GOLGA1: variants seen among roughly 807,000 people sequenced by gnomAD.
The protein encoded by GOLGA1 is golgin A1.
GOLGA1 carries 63 observed loss-of-function variants against 119.7 expected under a neutral mutation model. That is an observed-to-expected ratio of 0.53 (90% confidence interval 0.43 to 0.65). The LOEUF (loss-of-function observed/expected upper bound fraction) is 0.65. Ranked by LOEUF, GOLGA1 falls within the 30% of genes least tolerant of loss-of-function variation. GOLGA1 has a pLI of 0.00. For missense variants in GOLGA1, 798 were observed against 912.8 expected, an observed-to-expected ratio of 0.87 and a Z score of 1.62; for synonymous variants, 318 against 333.4, an observed-to-expected ratio of 0.95 and a Z score of 0.50.
intron 15 of GOLGA1, among the ~76,000 whole-genome samples, chr9:124,895,391 CAG>C (rs1183505709): frequency 7.0e-6 from 1 of 142,856 alleles, no homozygotes; most frequent in Non-Finnish European, 1.5e-5. Context: ...CCCTCCACAA[CAG>C]AGACTCTCCA....
chr9:124,923,218 T>C lies in GOLGA1; in HGVS notation c.438A>G (p.Lys146=), dbSNP rs569664011. 42 of 1,592,242 alleles carry C rather than the reference T, an allele frequency of 2.6e-5. No homozygotes were observed. Among genetic ancestry groups the C allele is most frequent in the South Asian group, 5.6e-5 (5 of 88,658 alleles). ...CCTGTAACTGGGCTGTCAGAATATTTTTCTCCTATTTGAAAGAAGAAGACA... is the reference window on the plus strand; with the variant it reads ...CCTGTAACTGGGCTGTCAGAATATTCTTCTCCTATTTGAAAGAAGAAGACA... ...SEKMDQLEKE[K]NILTAQLQEM... is the part of the protein sequence containing the mutation. Residue 146 remains lysine (K), a synonymous_variant, in exon 8 of 23, where the codon AAA becomes AAG. Transcript: ENST00000373555.
At chr9:124,925,754 T>G (rs989077954) in intron 7 of GOLGA1, among the ~76,000 whole-genome samples, 1 of 152,162 alleles carries the variant, frequency 6.6e-6, no homozygotes, top group African/African-American at 2.4e-5. Flanking sequence ...ATAATCAGAT[T>G]TCTATAGAAC....
At chr9:124,910,335 G>T (rs1278211444) in intron 11 of GOLGA1, among the ~76,000 whole-genome samples, 2 of 152,182 alleles carry the variant, frequency 1.3e-5, no homozygotes, top group African/African-American at 2.4e-5. Context: ...AAAGTGCTGG[G>T]ATTACAGGCG....
intron 7 of GOLGA1, 69 bp downstream of exon 7, chr9:124,926,640 G>A (rs542983939): frequency 1.7e-5 from 16 of 946,762 alleles, no homozygotes; most frequent in African/African-American, 1.6e-4. Context: ...GTTGGTTACC[G>A]GATAAAACGT....
intron 3 of GOLGA1, among the ~76,000 whole-genome samples, chr9:124,933,439 TAGAC>T (rs1830808949): frequency 6.6e-6 from 1 of 152,072 alleles, no homozygotes; most frequent in African/African-American, 2.4e-5. Flanking sequence ...TTTATTTATT[TAGAC>T]AGAGTCTCGC....
At chr9:124,889,010 T>C in intron 18 of GOLGA1, 133 bp downstream of exon 18, 1 of 695,580 alleles carries the variant, frequency 1.4e-6, no homozygotes, top group Admixed American at 3.0e-5. Context: ...AGTGCCCTAC[T>C]TCAAAGAAAG....
rs556888401 is a variant in GOLGA1, at chr9:124,918,182, T to C, written c.843+2947A>G. Among the ~76,000 whole-genome samples, 5 of 152,294 alleles carry C rather than the reference T, an allele frequency of 3.3e-5. No individual in the cohort carries two copies. The South Asian group carries it at 1.0e-3, about 32-fold the overall frequency. On this transcript the variant is annotated intron_variant, in intron 10 of 22. Coordinates refer to ENST00000373555, the MANE Select transcript of GOLGA1 (RefSeq NM_002077.4). ...CTGATATCTTTTAATAGGATCTCAC[T>C]AAATCTCGTAGTTTTCTTTCAGAAC... is the stretch of plus-strand genomic sequence containing the variant.
At chr9:124,945,612 A>C (rs1831133838), upstream of GOLGA1, 2 of 152,222 alleles carry the variant, frequency 1.3e-5, no homozygotes, top group African/African-American at 4.8e-5. Context: ...AAATATTTTA[A>C]AATTAAGAAT....
At chr9:124,882,301 G>A (rs141393397) in intron 20 of GOLGA1, among the ~76,000 whole-genome samples, 2 of 152,368 alleles carry the variant, frequency 1.3e-5, no homozygotes, top group South Asian at 2.1e-4. Context: ...GAGAAGGCAG[G>A]AACAGGGCTG....
At chr9:124,939,141 CG>C (rs574612036) in intron 2 of GOLGA1, among the ~76,000 whole-genome samples, 29 of 151,454 alleles carry the variant, frequency 1.9e-4, no homozygotes, top group South Asian at 1.3e-3. Flanking sequence ...CAAATCTCTA[CG>C]TTTTTTTTTT....
chr9:124,889,098 C>G, intron 18 of GOLGA1, 45 bp downstream of exon 18: 2 of 1,525,214 alleles, frequency 1.3e-6, no homozygotes, highest in South Asian at 2.4e-5. Context: ...CGGCACCTGC[C>G]CTGCATCTTG....
chr9:124,921,737 C>T lies in GOLGA1; in HGVS notation c.717G>A (p.Thr239=), dbSNP rs761900975. The change falls in exon 9 of 23, where the codon ACG becomes ACA. Residue 239 remains threonine, a synonymous_variant. Coordinates refer to ENST00000373555, the MANE Select transcript of GOLGA1 (RefSeq NM_002077.4). Reference sequence around the variant, plus strand: ...CAAGCAAGAACCTCTGCTCTTCCAGCGTTGAGTAGTGTCTCTGCAATTCTT... The same window carrying T: ...CAAGCAAGAACCTCTGCTCTTCCAGTGTTGAGTAGTGTCTCTGCAATTCTT... ...KLEELQRHYS[T]LEEQRDHVIA... is the part of the protein sequence containing the mutation. 5.0e-6 allele frequency: 8 copies of T among 1,613,352 alleles called. No individual in the cohort carries two copies. Among genetic ancestry groups the T allele is most frequent in the African/African-American group, 1.3e-5 (1 of 74,878 alleles).
intron 15 of GOLGA1, among the ~76,000 whole-genome samples, chr9:124,893,480 A>G (rs1367339575): frequency 6.6e-6 from 1 of 152,060 alleles, no homozygotes; most frequent in African/African-American, 2.4e-5. Context: ...TGTTTTTTCT[A>G]GTCACCCAGG....
intron 10 of GOLGA1, among the ~76,000 whole-genome samples, chr9:124,917,956 G>A (rs1313683692): frequency 3.9e-5 from 6 of 152,110 alleles, no homozygotes; most frequent in East Asian, 1.9e-4. Context: ...GGGTTCAAGC[G>A]ATTCTCCTGC....
At chr9:124,927,566 CATT>C (rs758423364) in intron 6 of GOLGA1, among the ~76,000 whole-genome samples, 14 of 152,166 alleles carry the variant, frequency 9.2e-5, no homozygotes, top group African/African-American at 1.7e-4. Flanking sequence ...TCAAAATTAA[CATT>C]ATAATATATT....
rs1424080538 is a variant in GOLGA1, at chr9:124,916,873, C to A, written c.843+4256G>T. On this transcript the variant is annotated intron_variant, in intron 10 of 22. Coordinates refer to ENST00000373555, the MANE Select transcript of GOLGA1 (RefSeq NM_002077.4). ...CCTGGGTGACAGAGTGAGACCCTGACACACAAAAAAAAAAAAAAAAAAAAA... is the reference window on the plus strand; with the variant it reads ...CCTGGGTGACAGAGTGAGACCCTGAAACACAAAAAAAAAAAAAAAAAAAAA... Among the ~76,000 whole-genome samples the A allele has an allele frequency of 2.4e-4, 10 of 41,352 alleles. No individual in the cohort carries two copies. The Admixed American group carries it at 3.5e-3, about 14-fold the overall frequency. 27.1% of individuals were successfully genotyped at this position (41,352 alleles called of 152,430 possible).
At position 124,938,755 on chromosome 9, in the gene GOLGA1, G is replaced by A; in HGVS notation, c.-44C>T. 6.4e-7 allele frequency: 1 copy of A among 1,560,730 alleles called. No homozygotes were observed. Among genetic ancestry groups the A allele is most frequent in the African/African-American group, 1.4e-5 (1 of 72,500 alleles). ...CTGCACAGATGACGAGCTCTCAGTA[G>A]TCCTGGTGCCTGTGTTCAGGATTCA... On this transcript the variant is annotated 5_prime_UTR_variant, in exon 3 of 23. Transcript: ENST00000373555.
At chr9:124,892,999 T>C (rs117562405) in intron 15 of GOLGA1, among the ~76,000 whole-genome samples, 1,715 of 152,158 alleles carry the variant, frequency 0.011, 88 homozygotes, top group Admixed American at 0.083. Context: ...TATGTTTACA[T>C]TTAAATTTTT....
Position 124,889,246 on chromosome 9 carries a change from C to T in GOLGA1, c.1658G>A (p.Arg553Lys). ...TGCAGCCTCCTCCGCCTTGAGGGTC[C>T]TCAGGGCCTCCAGCTCGGCCTGCAG... ...HQLQAELEAL[R>K]TLKAEEAAVV... is the part of the protein sequence containing the mutation. The change falls in exon 18 of 23, where the codon AGG becomes AAG. Residue 553 changes from arginine to lysine, a missense_variant. By Grantham distance (26) the Arg-to-Lys change is conservative (BLOSUM62 2). Transcript: ENST00000373555. The T allele has an allele frequency of 6.2e-7, 1 of 1,613,924 alleles. No homozygotes were observed. The highest frequency in any genetic ancestry group is 8.5e-7 in the Non-Finnish European group (1 of 1,179,992).
Sources: allele counts gnomAD v4.1 joint callset (sites outside exome capture counted in the v4.1 genomes callset), GRCh38; gene constraint gnomAD v4.1.1; transcripts MANE v1.5; gene names NCBI Gene and HGNC (gene_info 2026-07-23, HGNC 2026-07-21).